The following DEPTOR variants were observed in gnomAD, a reference collection of about 807,000 sequenced individuals.
The protein encoded by DEPTOR is DEP domain-containing mTOR-interacting protein.
A neutral mutation model predicts 41.6 loss-of-function variants in DEPTOR; 41 were observed. The ratio of observed to expected loss-of-function variants is 0.98; its 90% confidence interval spans 0.77 to 1.28. The LOEUF is 1.28. Ranked by LOEUF, DEPTOR falls within the 50% of genes most tolerant of loss-of-function variation. The pLI, the probability that DEPTOR is intolerant of heterozygous loss-of-function variation, is 0.00. For synonymous variants in DEPTOR, 195 were observed against 192.3 expected (o/e 1.01, Z -0.12); for missense variants, 514 against 527.9 (o/e 0.97, Z 0.26).
chr8:119,997,791 T>G (rs1296211251), intron 4 of DEPTOR, among the ~76,000 whole-genome samples: 1 of 152,196 alleles, frequency 6.6e-6, no homozygotes, highest in Non-Finnish European at 1.5e-5. Flanking sequence ...CTAGATTGCA[T>G]GTGTTGATGT....
At chr8:119,953,601 A>AAAG (rs1828380652) in intron 3 of DEPTOR, among the ~76,000 whole-genome samples, 1 of 151,586 alleles carries the variant, frequency 6.6e-6, no homozygotes, top group South Asian at 2.1e-4. Flanking sequence ...AAAAAAAAAA[A>AAAG]AAAAGAAAGA....
chr8:119,927,219 T>C (rs1827974754), intron 1 of DEPTOR, among the ~76,000 whole-genome samples: 2 of 152,176 alleles, frequency 1.3e-5, no homozygotes, highest in African/African-American at 4.8e-5. Context: ...TTACGTGGTC[T>C]CTGAAGGCAC....
At chr8:119,925,615 T>C (rs772714104) in intron 1 of DEPTOR, among the ~76,000 whole-genome samples, 8 of 152,044 alleles carry the variant, frequency 5.3e-5, no homozygotes, top group Non-Finnish European at 1.0e-4. Flanking sequence ...CCAGTGTCTA[T>C]TGTTGCCTGT....
intron 8 of DEPTOR, among the ~76,000 whole-genome samples, chr8:120,025,486 A>G (rs1361345460): frequency 6.6e-6 from 1 of 152,184 alleles, no homozygotes; most frequent in Non-Finnish European, 1.5e-5. Flanking sequence ...TTTGTTTGGC[A>G]GAGGGTCAGA....
At chr8:119,985,659 G>C (rs1192082451) in intron 4 of DEPTOR, among the ~76,000 whole-genome samples, 1 of 151,902 alleles carries the variant, frequency 6.6e-6, no homozygotes, top group Non-Finnish European at 1.5e-5. Flanking sequence ...CTAAGAACTT[G>C]CTTTATGAAT....
At chr8:119,918,934 A>AGAGAGTGTGTGTGT (rs1827853735) in intron 1 of DEPTOR, among the ~76,000 whole-genome samples, 1 of 115,198 alleles carries the variant, frequency 8.7e-6, no homozygotes, top group Non-Finnish European at 1.9e-5. Flanking sequence ...CTATTTGCAT[A>AGAGAGTGTGTGTGT]GTGAGTGTGT....
rs147995495 is a variant in DEPTOR, at chr8:120,002,864, A to G, written c.791-113A>G. The G allele has an allele frequency of 1.6e-3, 1,885 of 1,212,516 alleles. 3 individuals are homozygous for G. Among genetic ancestry groups the G allele is most frequent in the Middle Eastern group, 2.9e-3 (12 of 4,086 alleles). 75.1% of individuals were successfully genotyped at this position (1,212,516 alleles called of 1,614,324 possible). A position where few individuals can be genotyped will look rare whatever the true frequency, so the allele number is the denominator to read the frequency against. On this transcript the variant is annotated intron_variant, in intron 5 of 8. Coordinates refer to ENST00000286234, the MANE Select transcript of DEPTOR (RefSeq NM_022783.4). ...CTCAAGTTCTTGTTTTTCTGCCACT[A>G]AGACCAGTGTGCTTTCTCCTGGCCC...
At chr8:120,003,792 C>T (rs1252004651) in intron 6 of DEPTOR, among the ~76,000 whole-genome samples, 1 of 152,154 alleles carries the variant, frequency 6.6e-6, no homozygotes, top group Non-Finnish European at 1.5e-5. Context: ...TGTTGGTGAA[C>T]ATGTACTTAG....
chr8:119,958,143 G>A (rs969797827), intron 3 of DEPTOR, among the ~76,000 whole-genome samples: 4 of 152,170 alleles, frequency 2.6e-5, no homozygotes, highest in African/African-American at 9.7e-5. Context: ...TATTTCTTCT[G>A]ATTACATGGT....
At chr8:119,917,991 G>T (rs1445812007) in intron 1 of DEPTOR, among the ~76,000 whole-genome samples, 1 of 152,188 alleles carries the variant, frequency 6.6e-6, no homozygotes, top group African/African-American at 2.4e-5. Flanking sequence ...ATGATGCAGA[G>T]AACTTTGTTC....
rs188356232 is a variant in DEPTOR, at chr8:119,914,529, T to C, written c.123-13871T>C. On this transcript the variant is annotated intron_variant, in intron 1 of 8. Coordinates refer to ENST00000286234, the MANE Select transcript of DEPTOR (RefSeq NM_022783.4). ...ATCTTGGCTCACGGCAACCTCCGCC[T>C]CCCAGGTTCAAGTGATTCTCCTGCC... Among the ~76,000 whole-genome samples the C allele has an allele frequency of 3.4e-4, 51 of 152,188 alleles. 1 individual carries two copies. The highest frequency in any genetic ancestry group is 3.0e-3 in the Admixed American group (46 of 15,280).
intron 1 of DEPTOR, among the ~76,000 whole-genome samples, chr8:119,882,028 T>C (rs1271395748): frequency 6.6e-6 from 1 of 152,116 alleles, no homozygotes; most frequent in Non-Finnish European, 1.5e-5. Context: ...GTAGCTGGGA[T>C]TACAGGCAAG....
At chr8:119,931,125 C>T (rs1586620419) in intron 3 of DEPTOR, among the ~76,000 whole-genome samples, 1 of 151,958 alleles carries the variant, frequency 6.6e-6, no homozygotes, top group African/African-American at 2.4e-5. Flanking sequence ...GTACGAGAAT[C>T]GCTTGAAACC....
chr8:119,994,915 T>G (rs1586649780), intron 4 of DEPTOR, among the ~76,000 whole-genome samples: 1 of 98,840 alleles, frequency 1.0e-5, no homozygotes, highest in African/African-American at 4.3e-5. Context: ...AGACTCTGTC[T>G]CAAAAAAAAA....
intron 1 of DEPTOR, among the ~76,000 whole-genome samples, chr8:119,880,660 A>G (rs776057151): frequency 1.3e-5 from 2 of 152,220 alleles, no homozygotes; most frequent in Non-Finnish European, 2.9e-5. Flanking sequence ...GTGAGTATTT[A>G]TATTTTGACA....
chr8:120,030,752 G>A (rs536372766), intron 8 of DEPTOR, among the ~76,000 whole-genome samples: 8 of 151,674 alleles, frequency 5.3e-5, no homozygotes, highest in South Asian at 2.1e-4. Context: ...TAATGCACTC[G>A]CCTTGTGCTG....
At chr8:119,908,973 C>A (rs1827703340) in intron 1 of DEPTOR, among the ~76,000 whole-genome samples, 1 of 123,830 alleles carries the variant, frequency 8.1e-6, no homozygotes, top group Non-Finnish European at 1.8e-5. Flanking sequence ...GCCAGGGCCT[C>A]ATTTAAAAAC....
intron 1 of DEPTOR, among the ~76,000 whole-genome samples, chr8:119,882,884 G>A (rs540485475): frequency 1.3e-5 from 2 of 152,254 alleles, no homozygotes; most frequent in South Asian, 4.2e-4. Flanking sequence ...CCAAGGAGAG[G>A]TGGGTACCAA....
At chr8:120,029,072 T>A (rs899236122) in intron 8 of DEPTOR, among the ~76,000 whole-genome samples, 149 of 146,510 alleles carry the variant, frequency 1.0e-3, no homozygotes, top group African/African-American at 3.5e-3. Context: ...AAACTCCATC[T>A]AAAAAAAAAA....
Sources: allele counts gnomAD v4.1 joint callset (sites outside exome capture counted in the v4.1 genomes callset), GRCh38; gene constraint gnomAD v4.1.1; transcripts MANE v1.5; gene names NCBI Gene and HGNC (gene_info 2026-07-23, HGNC 2026-07-21).